RBFOX1: variants seen among roughly 807,000 people sequenced by gnomAD.
RBFOX1 encodes RNA binding fox-1 homolog 1, also known as RNA binding protein fox-1 homolog 1.
RBFOX1 carries 8 observed loss-of-function variants against 57.7 expected under a neutral mutation model. That is an observed-to-expected ratio of 0.14 (90% CI 0.08 to 0.25). RBFOX1 has a LOEUF of 0.25. Among genes scored for constraint, RBFOX1 ranks in the 10% least tolerant of loss-of-function variants. The pLI is 1.00. For synonymous variants in RBFOX1, 326 were observed against 222.4 expected, an observed-to-expected ratio of 1.47 and a Z score of -4.15; for missense variants, 611 against 548.5, an observed-to-expected ratio of 1.11 and a Z score of -1.14.
chr16:6,005,528 T>C (rs1008846433), intron 4 of RBFOX1, among the ~76,000 whole-genome samples: 7 of 152,202 alleles, frequency 4.6e-5, no homozygotes, highest in African/African-American at 1.7e-4. Context: ...GTTTTCAACT[T>C]TGGCAGTGTT....
At chr16:7,694,418 C>T (rs1012117965) in intron 14 of RBFOX1, among the ~76,000 whole-genome samples, 1 of 152,228 alleles carries the variant, frequency 6.6e-6, no homozygotes, top group African/African-American at 2.4e-5. Flanking sequence ...GAGCTAGGAA[C>T]ATGCACCCAA....
rs1304407709 is a variant in RBFOX1, at chr16:7,713,204, A to T, written c.*2459A>T. On this transcript the variant is annotated 3_prime_UTR_variant, in exon 16 of 16. Transcript: ENST00000550418. ...GGCATATAGTGACTTCTTAACACAC[A>T]CATCACGCAATCTGCAAACCCAGAA... The T allele has an allele frequency of 1.3e-5, 2 of 152,262 alleles. No homozygotes were observed. The highest frequency in any genetic ancestry group is 2.9e-5 in the Non-Finnish European group (2 of 68,050). The allele number at this position is 152,262 out of a possible 1,614,324, so 9.4% of individuals were successfully genotyped here.
rs531632179 is a variant in RBFOX1, at chr16:7,252,408, C to A, written c.27+200310C>A. ...ATCTGGCTGGGGCAGAGGTCTTCAACTGACAGTTCCTAGGCCTTTTGTACT... is the reference window on the plus strand; with the variant it reads ...ATCTGGCTGGGGCAGAGGTCTTCAAATGACAGTTCCTAGGCCTTTTGTACT... On this transcript the variant is annotated intron_variant, in intron 4 of 15. Transcript: ENST00000550418. Among the ~76,000 whole-genome samples the A allele has an allele frequency of 3.7e-4, 57 of 152,356 alleles. No individual in the cohort carries two copies. In the South Asian group the frequency reaches 0.012, roughly 31 times the overall value.
chr16:5,512,419 TC>T (rs1378458620), intron 2 of RBFOX1, among the ~76,000 whole-genome samples: 2 of 80,520 alleles, frequency 2.5e-5, no homozygotes, highest in African/African-American at 2.1e-4. Flanking sequence ...CCTCTCTCTT[TC>T]TCTCTCTCTC....
intron 4 of RBFOX1, among the ~76,000 whole-genome samples, chr16:7,199,768 C>T (rs924172288): frequency 6.6e-6 from 1 of 152,192 alleles, no homozygotes; most frequent in Admixed American, 6.5e-5. Flanking sequence ...GTGGCAGGCA[C>T]CTTTAATCCC....
At chr16:6,945,543 C>T (rs1247460375) in intron 3 of RBFOX1, among the ~76,000 whole-genome samples, 1 of 151,908 alleles carries the variant, frequency 6.6e-6, no homozygotes, top group Non-Finnish European at 1.5e-5. Context: ...AAAGCCACAT[C>T]TGTGACTCAT....
intron 3 of RBFOX1, among the ~76,000 whole-genome samples, chr16:6,788,445 AT>A (rs138604209): frequency 0.099 from 14,704 of 148,642 alleles, 1,330 homozygotes; most frequent in East Asian, 0.23. Flanking sequence ...TGCTGCACTG[AT>A]TTTTTTTTTA....
At chr16:5,264,624 G>T (rs1318139211) in intron 1 of RBFOX1, among the ~76,000 whole-genome samples, 1 of 152,060 alleles carries the variant, frequency 6.6e-6, no homozygotes, top group Non-Finnish European at 1.5e-5. Context: ...AATGCCATGG[G>T]GTAGAAATTT....
chr16:7,334,917 AAGTT>A (rs984891417), intron 4 of RBFOX1, among the ~76,000 whole-genome samples: 1 of 152,188 alleles, frequency 6.6e-6, no homozygotes, highest in African/African-American at 2.4e-5. Context: ...AGTTACCCAT[AAGTT>A]AGGAGAGCAG....
intron 3 of RBFOX1, among the ~76,000 whole-genome samples, chr16:6,787,255 G>A (rs765638990): frequency 2.0e-5 from 3 of 152,102 alleles, no homozygotes. Flanking sequence ...TTCCCTAACT[G>A]ATCGGCCCGT....
At chr16:6,513,761 A>AAAC (rs1567513316) in intron 2 of RBFOX1, among the ~76,000 whole-genome samples, 110 of 151,986 alleles carry the variant, frequency 7.2e-4, no homozygotes, top group Non-Finnish European at 1.2e-3. Context: ...ACAAAAAAAA[A>AAAC]CAAAGTCTGG....
chr16:6,061,632 A>G (rs2095687433), intron 1 of RBFOX1, among the ~76,000 whole-genome samples: 1 of 152,054 alleles, frequency 6.6e-6, no homozygotes, highest in South Asian at 2.1e-4. Context: ...AATTATTTTC[A>G]GAAATTTATT....
intron 3 of RBFOX1, among the ~76,000 whole-genome samples, chr16:5,864,397 C>G (rs1237326063): frequency 1.3e-5 from 2 of 152,204 alleles, no homozygotes; most frequent in African/African-American, 2.4e-5. Context: ...TTGCCATTGA[C>G]TTTTCTTCAC....
chr16:5,770,331 A>G (rs62014104), intron 3 of RBFOX1, among the ~76,000 whole-genome samples: 5 of 151,924 alleles, frequency 3.3e-5, no homozygotes, highest in African/African-American at 4.8e-5. Flanking sequence ...CTTTGTATGC[A>G]TTAATGCATT....
intron 4 of RBFOX1, among the ~76,000 whole-genome samples, chr16:7,264,824 C>G (rs527268943): frequency 1.1e-4 from 16 of 152,182 alleles, no homozygotes; most frequent in African/African-American, 3.6e-4. Context: ...TTTAAAGTAC[C>G]CAGAGGGTAA....
At chr16:5,878,229 A>G (rs2057666181) in intron 4 of RBFOX1, among the ~76,000 whole-genome samples, 1 of 152,144 alleles carries the variant, frequency 6.6e-6, no homozygotes, top group African/African-American at 2.4e-5. Context: ...TGATAATGAT[A>G]ACAGTGATGG....
At chr16:5,984,634 C>A (rs557630633) in intron 4 of RBFOX1, among the ~76,000 whole-genome samples, 1 of 152,196 alleles carries the variant, frequency 6.6e-6, no homozygotes, top group East Asian at 1.9e-4. Context: ...AAGTGCTTTA[C>A]CTGTACAGGC....
intron 4 of RBFOX1, among the ~76,000 whole-genome samples, chr16:5,900,668 A>G (rs1044455872): frequency 6.6e-6 from 1 of 152,176 alleles, no homozygotes; most frequent in African/African-American, 2.4e-5. Context: ...CTAATAGGAC[A>G]AAAACAAATC....
intron 1 of RBFOX1, among the ~76,000 whole-genome samples, chr16:6,256,404 C>G (rs1472583396): frequency 6.7e-6 from 1 of 149,906 alleles, no homozygotes; most frequent in African/African-American, 2.5e-5. Context: ...CAGGCATGCC[C>G]AAGGTCACCT....
Sources: gnomAD v4.1 joint callset for allele counts (sites outside exome capture counted in the v4.1 genomes callset) on GRCh38, gnomAD v4.1.1 for gene constraint, MANE v1.5 for transcripts, NCBI Gene and HGNC (gene_info 2026-07-23, HGNC 2026-07-21) for gene names.